Variants in PSMD1 observed in about 807,000 individuals in gnomAD.
PSMD1 encodes the protein proteasome 26S subunit, non-ATPase 1.
In PSMD1, 18 loss-of-function variants were observed where a neutral mutation model predicts 119.0. The ratio of observed to expected loss-of-function variants is 0.15; its 90% CI spans 0.10 to 0.22. PSMD1 has a LOEUF of 0.22. PSMD1 is among the 10% of genes least tolerant of loss of function. The probability of loss-of-function intolerance (pLI) is 1.00; values close to 1 mark genes in which losing one functional copy is unlikely to be tolerated. For missense variants in PSMD1, 702 were observed against 1,158.5 expected (o/e 0.61, Z 5.72); for synonymous variants, 374 against 396.6 (o/e 0.94, Z 0.68).
chr2:231,086,934 CAT>C (rs1199537281), intron 15 of PSMD1, among the ~76,000 whole-genome samples, 181 bp from the exon 16 acceptor site: 1 of 152,078 alleles, frequency 6.6e-6, no homozygotes, highest in African/African-American at 2.4e-5. Context: ...AATAAAAATA[CAT>C]GTGTCTATTT....
chr2:231,145,749 CG>C (rs1198276397), intron 17 of PSMD1, among the ~76,000 whole-genome samples: 1 of 151,380 alleles, frequency 6.6e-6, no homozygotes, highest in East Asian at 1.9e-4. Context: ...AAAAATTAGC[CG>C]GGGGTGGTAG....
At chr2:231,110,353 A>G (rs189958126) in intron 16 of PSMD1, among the ~76,000 whole-genome samples, 80 of 152,318 alleles carry the variant, frequency 5.3e-4, no homozygotes, top group African/African-American at 1.8e-3. Context: ...TGGGAAAGAA[A>G]TATACCTCAT....
At chr2:231,079,484 A>G (rs1157314596) in intron 10 of PSMD1, 52 bp from the exon 11 acceptor site, 2 of 1,276,698 alleles carry the variant, frequency 1.6e-6, no homozygotes, top group Admixed American at 4.0e-5. Flanking sequence ...AAAAAGCTTT[A>G]AGGAATTCAT....
chr2:231,154,527 G>A (rs1696443389), intron 19 of PSMD1, among the ~76,000 whole-genome samples: 1 of 152,168 alleles, frequency 6.6e-6, no homozygotes, highest in South Asian at 2.1e-4. Flanking sequence ...GAGTGCAGTG[G>A]CGCAAGCATG....
chr2:231,169,547 C>T lies in PSMD1; in HGVS notation c.2716-1019C>T, dbSNP rs7574841. 5.9e-3 allele frequency among the ~76,000 whole-genome samples: 900 copies of T among 152,248 alleles called. 8 individuals carry two copies. The highest frequency in any genetic ancestry group is 0.01 in the Non-Finnish European group (702 of 68,002). On this transcript the variant is annotated intron_variant, in intron 23 of 24. Coordinates refer to ENST00000308696, the MANE Select transcript of PSMD1 (RefSeq NM_002807.4). Reference sequence around the variant, plus strand: ...GAAATAGTTCGGAGTTCACGAAGCACACCAGTTTTATAGCATGGCAGGGCA... The same window carrying T: ...GAAATAGTTCGGAGTTCACGAAGCATACCAGTTTTATAGCATGGCAGGGCA...
At chr2:231,106,499 T>C (rs1384402898) in intron 16 of PSMD1, among the ~76,000 whole-genome samples, 1 of 152,102 alleles carries the variant, frequency 6.6e-6, no homozygotes, top group South Asian at 2.1e-4. Flanking sequence ...GCACCTGTAA[T>C]GCCAGCTACT....
chr2:231,158,286 G>T (rs1696557490), intron 19 of PSMD1, among the ~76,000 whole-genome samples: 1 of 152,018 alleles, frequency 6.6e-6, no homozygotes, highest in African/African-American at 2.4e-5. Flanking sequence ...CTGCAGCCTG[G>T]ACGACAGAAT....
At chr2:231,061,224 T>G in intron 1 of PSMD1, 43 bp from the exon 2 acceptor site, 2 of 1,496,534 alleles carry the variant, frequency 1.3e-6, no homozygotes, top group Non-Finnish European at 1.8e-6. Flanking sequence ...TCCACTTTAG[T>G]GAGAATGTGT....
At chr2:231,094,166 G>C (rs187772840) in intron 16 of PSMD1, among the ~76,000 whole-genome samples, 1 of 152,086 alleles carries the variant, frequency 6.6e-6, no homozygotes, top group African/African-American at 2.4e-5. Flanking sequence ...GGGTTAACAC[G>C]TGTTGAAGGA....
intron 12 of PSMD1, 51 bp downstream of exon 12, chr2:231,080,365 A>G (rs762229426): frequency 1.4e-6 from 2 of 1,418,736 alleles, no homozygotes; most frequent in South Asian, 1.4e-5. Flanking sequence ...AATCCAGGAT[A>G]ACATATTTGC....
At chr2:231,097,473 A>C (rs1344099221) in intron 16 of PSMD1, among the ~76,000 whole-genome samples, 1 of 151,778 alleles carries the variant, frequency 6.6e-6, no homozygotes, top group Non-Finnish European at 1.5e-5. Flanking sequence ...CATGACACAA[A>C]CTCCTGCTCT....
At chr2:231,067,994 A>G (rs961850139) in intron 5 of PSMD1, among the ~76,000 whole-genome samples, 8 of 152,010 alleles carry the variant, frequency 5.3e-5, no homozygotes, top group Non-Finnish European at 1.0e-4. Flanking sequence ...TCTCCTCACA[A>G]TCCAAAACTT....
chr2:231,153,959 TAA>T (rs1380945230), intron 19 of PSMD1, among the ~76,000 whole-genome samples: 4 of 147,594 alleles, frequency 2.7e-5, no homozygotes, highest in African/African-American at 1.0e-4. Flanking sequence ...ACTAAAAATA[TAA>T]AATTAGCTGG....
chr2:231,061,148 C>T (rs945303603), intron 1 of PSMD1, 119 bp from the exon 2 acceptor site: 8 of 642,162 alleles, frequency 1.2e-5, no homozygotes, highest in African/African-American at 1.1e-4. Flanking sequence ...AATCATTCCC[C>T]TGGAGAAGTT....
At chr2:231,151,563 G>T (rs1456062926) in intron 18 of PSMD1, among the ~76,000 whole-genome samples, 1 of 152,032 alleles carries the variant, frequency 6.6e-6, no homozygotes, top group Admixed American at 6.6e-5. Flanking sequence ...TTATCCATTT[G>T]TCAGTTTTAC....
intron 1 of PSMD1, among the ~76,000 whole-genome samples, chr2:231,057,830 C>A (rs1693645424): frequency 6.6e-6 from 1 of 152,244 alleles, no homozygotes; most frequent in Admixed American, 6.5e-5. Context: ...TTAAGCTCCC[C>A]GTTACAGATT....
At chr2:231,168,174 C>G (rs1023569306) in intron 23 of PSMD1, among the ~76,000 whole-genome samples, 5 of 152,096 alleles carry the variant, frequency 3.3e-5, no homozygotes, top group Non-Finnish European at 7.4e-5. Flanking sequence ...ACCGCACAGA[C>G]AAGAATATGC....
chr2:231,150,963 G>A (rs1696365356), intron 18 of PSMD1, among the ~76,000 whole-genome samples: 1 of 152,144 alleles, frequency 6.6e-6, no homozygotes, highest in Admixed American at 6.5e-5. Context: ...CTAAGAGTGG[G>A]CTTTTTTCCA....
At chr2:231,123,651 T>A (rs1410960359) in intron 16 of PSMD1, 3 of 1,613,782 alleles carry the variant, frequency 1.9e-6, no homozygotes, top group Non-Finnish European at 2.5e-6. Flanking sequence ...CCTCTGGTAT[T>A]GATTCTGTCT....
Sources: gnomAD v4.1 joint callset for allele counts (sites outside exome capture counted in the v4.1 genomes callset) on GRCh38, gnomAD v4.1.1 for gene constraint, MANE v1.5 for transcripts, NCBI Gene and HGNC (gene_info 2026-07-23, HGNC 2026-07-21) for gene names.